The following EEF1A2 variants were observed in gnomAD, a reference collection of about 807,000 sequenced individuals.
EEF1A2 encodes the protein eukaryotic translation elongation factor 1 alpha 2.
Under a neutral mutation model 39.3 loss-of-function variants are expected in EEF1A2, and 5 were observed. The ratio of observed to expected loss-of-function variants is 0.13; its 90% CI spans 0.07 to 0.27. EEF1A2 has a LOEUF of 0.27. EEF1A2 is among the 10% of genes least tolerant of loss of function. The pLI is 1.00. For synonymous variants in EEF1A2, 287 were observed against 293.7 expected (o/e 0.98, Z 0.23); for missense variants, 218 against 681.4 (o/e 0.32, Z 7.57).
rs879640448 is a variant in EEF1A2 at position 63,493,162 on chromosome 20, C to T, written c.747G>A (p.Pro249=). ...CGCCAATCTTGTACACGTCCTGCAG[C>T]GGCAGGCGCAGGGGCTTGTCCGTGG... The part of the protein sequence containing the change: ...TRPTDKPLRL[P]LQDVYKIGGI... Residue 249 remains proline (P), a synonymous_variant, in exon 5 of 8, where the codon CCG becomes CCA. Coordinates refer to ENST00000217182, the MANE Select transcript of EEF1A2 (RefSeq NM_001958.5). 9.0e-5 allele frequency: 139 copies of T among 1,548,532 alleles called. No individual in the cohort carries two copies. The highest frequency in any genetic ancestry group is 1.2e-4 in the Non-Finnish European group (134 of 1,145,862).
intron 5 of EEF1A2, 69 bp from the exon 6 acceptor site, chr20:63,490,804 C>A: frequency 6.5e-7 from 1 of 1,527,766 alleles, no homozygotes; most frequent in South Asian, 1.2e-5. Context: ...TATTCGGGGA[C>A]AGAGCCTGGA....
rs1600902182 is a variant in EEF1A2, at chr20:63,489,063, C to T, written c.1119G>A (p.Ala373=). ...GCCGGTCAATCTTCTCCTTCAGCTC[C>T]GCAAACTTGCAGGCGATGTGGGCTG... ...CHTAHIACKF[A]ELKEKIDRRS... is the part of the protein sequence containing the mutation. The change falls in exon 7 of 8, where the codon GCG becomes GCA. Residue 373 remains alanine (A), a synonymous_variant. Transcript: ENST00000217182. 2.5e-6 allele frequency: 4 copies of T among 1,612,668 alleles called. No homozygotes were observed. Among genetic ancestry groups the T allele is most frequent in the South Asian group, 1.1e-5 (1 of 91,090 alleles).
chr20:63,496,050 G>A lies in EEF1A2; in HGVS notation c.145-15C>T. 1 of 1,611,902 alleles carries A rather than the reference G, an allele frequency of 6.2e-7. No individual in the cohort carries two copies. The highest frequency in any genetic ancestry group is 2.2e-5 in the East Asian group (1 of 44,868). On this transcript the variant is annotated splice_polypyrimidine_tract_variant and intron_variant, in intron 2 of 7. Transcript: ENST00000217182. ...CCCTTCCCCATCTGGAGCGGGTGAG[G>A]GTCACGGCTGAGGGCGGGACCCGGG...
chr20:63,498,892 C>T lies in EEF1A2; in HGVS notation c.-72+166G>A, dbSNP rs557919299. On this transcript the variant is annotated intron_variant, in intron 1 of 7. Transcript: ENST00000217182. The surrounding 1 kb of genome is among the most constrained non-coding windows in gnomAD (Gnocchi z 4.1). ...CCCGCCGCCCCGCGCCGCCCCCCAC[C>T]CCGGGCCCAGCCCGGCCGACGCGGG... The T allele has an allele frequency of 8.7e-5, 13 of 150,032 alleles. No homozygotes were observed. The South Asian group carries it at 2.7e-3, about 31-fold the overall frequency. The allele number at this position is 150,032 out of a possible 1,614,324, so 9.3% of individuals were successfully genotyped here.
At position 63,496,384 on chromosome 20, in the gene EEF1A2, C is replaced by A. The variant is rs1265027674; in HGVS notation, c.145-349G>T. On this transcript the variant is annotated intron_variant, in intron 2 of 7. Transcript: ENST00000217182. ...CCCCTTTATCTGAAGCTGCGGACGC[C>A]CCCAGATCCCTTCCTCAACCAGAGG... is the stretch of plus-strand genomic sequence containing the variant. The A allele has an allele frequency of 8.5e-5, 25 of 294,180 alleles. 1 individual carries two copies. In the South Asian group the frequency reaches 1.2e-3, roughly 15 times the overall value. The allele number at this position is 294,180 out of a possible 1,614,324, so 18.2% of individuals were successfully genotyped here.
chr20:63,490,067 C>CTTT (rs57130528), intron 6 of EEF1A2: 15 of 151,422 alleles, frequency 9.9e-5, no homozygotes, highest in East Asian at 3.5e-4. Context: ...GGTCCCTTTT[C>CTTT]TTTTTTTTTT....
Position 63,496,049 on chromosome 20 carries a change from G to A in EEF1A2, c.145-14C>T, listed in dbSNP as rs201340991. The A allele has an allele frequency of 6.2e-7, 1 of 1,612,022 alleles. No homozygotes were observed. Among genetic ancestry groups the A allele is most frequent in the African/African-American group, 1.3e-5 (1 of 75,044 alleles). On this transcript the variant is annotated splice_polypyrimidine_tract_variant and intron_variant, in intron 2 of 7. Coordinates refer to ENST00000217182, the MANE Select transcript of EEF1A2 (RefSeq NM_001958.5). ...TCCCTTCCCCATCTGGAGCGGGTGAGGGTCACGGCTGAGGGCGGGACCCGG... is the reference window on the plus strand; with the variant it reads ...TCCCTTCCCCATCTGGAGCGGGTGAAGGTCACGGCTGAGGGCGGGACCCGG...
Position 63,497,884 on chromosome 20 carries a change from G to A in EEF1A2, c.-71-50C>T. On this transcript the variant is annotated intron_variant, in intron 1 of 7. Transcript: ENST00000217182. The surrounding 1 kb of genome is among the most constrained non-coding windows in gnomAD (Gnocchi z 7.3). ...GACCGGTGATGGGGAGCCCCAGGGGGAGACACCAGCAGAGACTGTCCTGGC... is the reference window on the plus strand; with the variant it reads ...GACCGGTGATGGGGAGCCCCAGGGGAAGACACCAGCAGAGACTGTCCTGGC... The A allele has an allele frequency of 3.7e-6, 5 of 1,350,880 alleles. No homozygotes were observed. The highest frequency in any genetic ancestry group is 5.1e-6 in the Non-Finnish European group (5 of 987,412). 83.7% of individuals were successfully genotyped at this position (1,350,880 alleles called of 1,614,324 possible). A position where few individuals can be genotyped will look rare whatever the true frequency, so the allele number is the denominator to read the frequency against.
intron 6 of EEF1A2, among the ~76,000 whole-genome samples, chr20:63,489,909 T>C (rs1199965185): frequency 6.6e-6 from 1 of 152,208 alleles, no homozygotes; most frequent in African/African-American, 2.4e-5. Context: ...AGGACGAATG[T>C]AGGACCTCAA....
intron 4 of EEF1A2, among the ~76,000 whole-genome samples, chr20:63,493,705 G>A (rs2082402786): frequency 6.6e-6 from 1 of 152,212 alleles, no homozygotes; most frequent in African/African-American, 2.4e-5. Context: ...CCCCACCCTA[G>A]CTTCTGGACA....
At chr20:63,490,864 GC>G in intron 5 of EEF1A2, 129 bp from the exon 6 acceptor site, 1 of 1,134,990 alleles carries the variant, frequency 8.8e-7, no homozygotes, top group Non-Finnish European at 1.2e-6. Context: ...GGGGGTTGGG[GC>G]CACATGGGCG....
Position 63,497,923 on chromosome 20 carries a change from G to C in EEF1A2, c.-71-89C>G. 1.0e-6 allele frequency: 1 copy of C among 992,716 alleles called. No homozygotes were observed. Among genetic ancestry groups the C allele is most frequent in the South Asian group, 1.7e-5 (1 of 57,570 alleles). 61.5% of individuals were successfully genotyped at this position (992,716 alleles called of 1,614,324 possible). On this transcript the variant is annotated intron_variant, in intron 1 of 7. Coordinates refer to ENST00000217182, the MANE Select transcript of EEF1A2 (RefSeq NM_001958.5). The surrounding 1 kb of genome is among the most constrained non-coding windows in gnomAD (Gnocchi z 7.3). ...GACTGTCCTGGCACAGGCTGGACAG[G>C]CATCCCTGCCCACAAACCAAGCCCC...
intron 6 of EEF1A2, among the ~76,000 whole-genome samples, chr20:63,489,418 G>A (rs2082368195): frequency 6.6e-6 from 1 of 152,294 alleles, no homozygotes; most frequent in Non-Finnish European, 1.5e-5. Flanking sequence ...CTGGAACTAA[G>A]GCGGGGGGGT....
Position 63,488,306 on chromosome 20 carries a change from C to T in EEF1A2, c.1384G>A (p.Gly462Ser). Residue 462 changes from glycine to serine, a missense_variant, in exon 8 of 8, where the codon GGC (glycine) becomes AGC (serine). By Grantham distance (56) the Gly-to-Ser change is moderately conservative. Coordinates refer to ENST00000217182, the MANE Select transcript of EEF1A2 (RefSeq NM_001958.5). ...CCGCGGGCGCCCGCGCTTCACTTGCCCGCCTTCTGCGCCTTCTGCGCCGAC... is the reference window on the plus strand; with the variant it reads ...CCGCGGGCGCCCGCGCTTCACTTGCTCGCCTTCTGCGCCTTCTGCGCCGAC... Reference protein sequence around the residue: ...TKSAQKAQKAGK With the variant: ...TKSAQKAQKASK 2.2e-6 allele frequency: 3 copies of T among 1,385,936 alleles called. No individual in the cohort carries two copies. The highest frequency in any genetic ancestry group is 2.9e-5 in the South Asian group (2 of 69,564). 85.9% of individuals were successfully genotyped at this position (1,385,936 alleles called of 1,614,324 possible).
rs1316391492 is a variant in EEF1A2 at position 63,488,205 on chromosome 20, A to AG, written c.*92_*93insC. On this transcript the variant is annotated 3_prime_UTR_variant, in exon 8 of 8. Coordinates refer to ENST00000217182, the MANE Select transcript of EEF1A2 (RefSeq NM_001958.5). The stretch of plus-strand genomic sequence containing the variant: ...GCCTGGCGGGGGTGCGGGGCGCCGG[A>AG]CCGGCGCGCGGGGCGGGGGCGGGGC... 6.8e-6 allele frequency: 5 copies of AG among 734,192 alleles called. No individual in the cohort carries two copies. Among genetic ancestry groups the AG allele is most frequent in the Admixed American group, 3.2e-4 (1 of 3,122 alleles). 45.5% of individuals were successfully genotyped at this position (734,192 alleles called of 1,614,324 possible). A position where few individuals can be genotyped will look rare whatever the true frequency, so the allele number is the denominator to read the frequency against.
At position 63,492,815 on chromosome 20, in the gene EEF1A2, A is replaced by T. The variant is rs913965291; in HGVS notation, c.772+322T>A. Among the ~76,000 whole-genome samples, 153 of 130,202 alleles carry T rather than the reference A, an allele frequency of 1.2e-3. 3 individuals are homozygous for T. The highest frequency in any genetic ancestry group is 3.6e-3 in the African/African-American group (121 of 33,294). 85.4% of individuals were successfully genotyped at this position (130,202 alleles called of 152,430 possible). Reference sequence around the variant, plus strand: ...ATGGAGGGATGGTTCGATAGAGAGAAGGATGGATGGGACAATGGATGGATG... The same window carrying T: ...ATGGAGGGATGGTTCGATAGAGAGATGGATGGATGGGACAATGGATGGATG... On this transcript the variant is annotated intron_variant, in intron 5 of 7. Coordinates refer to ENST00000217182, the MANE Select transcript of EEF1A2 (RefSeq NM_001958.5).
At chr20:63,490,291 T>A (rs2082372400) in intron 6 of EEF1A2, 188 bp downstream of exon 6, 2 of 687,664 alleles carry the variant, frequency 2.9e-6, no homozygotes, top group Non-Finnish European at 4.7e-6. Context: ...GGACTTGATC[T>A]CTTGACCTCG....
rs150998792 is a variant in EEF1A2 at position 63,499,050 on chromosome 20, G to T, written c.-72+8C>A. 0.029 allele frequency: 4,218 copies of T among 147,754 alleles called. 103 individuals carry two copies. Among genetic ancestry groups the T allele is most frequent in the Non-Finnish European group, 0.048 (3,195 of 66,378 alleles). The allele number at this position is 147,754 out of a possible 1,614,324, so 9.2% of individuals were successfully genotyped here. ...GGGGGCGGAGGCCCGGGGGCCGAGC[G>T]TCCTTACCCGGAGCCGAGGTCTCAG... On this transcript the variant is annotated splice_region_variant and intron_variant, in intron 1 of 7. Coordinates refer to ENST00000217182, the MANE Select transcript of EEF1A2 (RefSeq NM_001958.5).
rs573282961 is a variant in EEF1A2 at position 63,494,535 on chromosome 20, C to T, written c.621+270G>A. On this transcript the variant is annotated intron_variant, in intron 4 of 7. Transcript: ENST00000217182. ...AAGCACATGGGCCTGGTGCTGGAGGCCGCTGCCCCTGCTGTGTTGACATCG... is the reference window on the plus strand; with the variant it reads ...AAGCACATGGGCCTGGTGCTGGAGGTCGCTGCCCCTGCTGTGTTGACATCG... 4.6e-5 allele frequency among the ~76,000 whole-genome samples: 7 copies of T among 152,374 alleles called. No homozygotes were observed. In the East Asian group the frequency reaches 7.7e-4, roughly 17 times the overall value.
Sources: allele counts gnomAD v4.1 joint callset (sites outside exome capture counted in the v4.1 genomes callset), GRCh38; gene constraint gnomAD v4.1.1; non-coding constraint Gnocchi (gnomAD v3.1); transcripts MANE v1.5; gene names NCBI Gene and HGNC (gene_info 2026-07-23, HGNC 2026-07-21).